GFRA2: variants seen among roughly 807,000 people sequenced by gnomAD.
The protein encoded by GFRA2 is GDNF family receptor alpha-2.
In GFRA2, 17 loss-of-function variants were observed where a neutral mutation model predicts 48.3. That is an observed-to-expected ratio of 0.35 (90% CI 0.24 to 0.53). The LOEUF (loss-of-function observed/expected upper bound fraction) is 0.53, where lower values mean the gene tolerates loss of function less well. Ranked by LOEUF, GFRA2 falls within the 20% of genes least tolerant of loss-of-function variation. The pLI is 0.93. For missense variants in GFRA2, 660 were observed against 637.3 expected, an observed-to-expected ratio of 1.04 and a Z score of -0.38; for synonymous variants, 305 against 257.2, an observed-to-expected ratio of 1.19 and a Z score of -1.78.
chr8:21,783,160 T>C (rs933611763), intron 1 of GFRA2: 102 of 642,442 alleles, frequency 1.6e-4, no homozygotes, highest in South Asian at 1.3e-3. Context: ...CACAGCACAA[T>C]AAAGCCAGGA....
intron 4 of GFRA2, among the ~76,000 whole-genome samples, chr8:21,734,935 C>G (rs1344309813): frequency 1.3e-5 from 2 of 152,236 alleles, no homozygotes; most frequent in Non-Finnish European, 2.9e-5. Context: ...AGTCATCCCT[C>G]TGCTCACTGA....
intron 2 of GFRA2, among the ~76,000 whole-genome samples, chr8:21,794,768 A>C (rs1807638451): frequency 6.6e-6 from 1 of 151,340 alleles, no homozygotes; most frequent in Admixed American, 6.6e-5. Context: ...TCCCCTCCAC[A>C]CTCCAGATTC....
At chr8:21,706,149 G>T in intron 4 of GFRA2, 108 bp from the exon 5 acceptor site, 1 of 708,712 alleles carries the variant, frequency 1.4e-6, no homozygotes. Context: ...TCCCAGGGTG[G>T]AAGAAGCCAG....
intron 4 of GFRA2, among the ~76,000 whole-genome samples, chr8:21,707,510 T>C (rs1802807405): frequency 6.6e-6 from 1 of 152,222 alleles, no homozygotes; most frequent in East Asian, 1.9e-4. Flanking sequence ...TTCGTTTCTC[T>C]GGAGGCCCCC....
chr8:21,811,365 T>C (rs1457115576), intron 1 of GFRA2, among the ~76,000 whole-genome samples: 1 of 152,178 alleles, frequency 6.6e-6, no homozygotes, highest in Non-Finnish European at 1.5e-5. Context: ...CAGGAGATCC[T>C]AACATGTGAC....
chr8:21,719,206 C>T (rs1033488889), intron 4 of GFRA2, among the ~76,000 whole-genome samples: 5 of 152,082 alleles, frequency 3.3e-5, no homozygotes, highest in South Asian at 2.1e-4. Context: ...GCAGGGGGTC[C>T]AAGTCTGCTC....
intron 4 of GFRA2, among the ~76,000 whole-genome samples, chr8:21,746,983 C>T (rs994520376): frequency 6.6e-6 from 1 of 152,114 alleles, no homozygotes; most frequent in Admixed American, 6.6e-5. Flanking sequence ...AAAATGGGTG[C>T]CCTGTCCCAG....
intron 2 of GFRA2, among the ~76,000 whole-genome samples, chr8:21,799,581 T>G (rs951171261): frequency 1.3e-5 from 2 of 152,212 alleles, no homozygotes; most frequent in African/African-American, 2.4e-5. Context: ...TCTAATTCTA[T>G]AAAGACTCAG....
intron 7 of GFRA2, among the ~76,000 whole-genome samples, chr8:21,702,539 C>A (rs1440614418): frequency 6.6e-6 from 1 of 152,210 alleles, no homozygotes; most frequent in Non-Finnish European, 1.5e-5. Context: ...CCTGCACCTG[C>A]ACCGAGGCTG....
At chr8:21,763,505 A>G (rs1459889594) in intron 3 of GFRA2, among the ~76,000 whole-genome samples, 1 of 151,986 alleles carries the variant, frequency 6.6e-6, no homozygotes, top group East Asian at 1.9e-4. Flanking sequence ...CTTCCACTCA[A>G]CAGGGGCGGT....
intron 2 of GFRA2, among the ~76,000 whole-genome samples, chr8:21,797,020 C>A (rs1445330385): frequency 6.6e-6 from 1 of 152,218 alleles, no homozygotes; most frequent in Non-Finnish European, 1.5e-5. Flanking sequence ...TGTCCCACTA[C>A]GTGACAGCGA....
chr8:21,808,042 A>C (rs1046334417), intron 1 of GFRA2, among the ~76,000 whole-genome samples: 1 of 152,228 alleles, frequency 6.6e-6, no homozygotes, highest in Admixed American at 6.5e-5. Flanking sequence ...CAGGGCTTCC[A>C]CATATGAATT....
chr8:21,765,670 T>C (rs1475990240), intron 3 of GFRA2, among the ~76,000 whole-genome samples: 1 of 152,016 alleles, frequency 6.6e-6, no homozygotes, highest in East Asian at 1.9e-4. Context: ...CAGGCCTACA[T>C]CTAACTGTGT....
intron 4 of GFRA2, among the ~76,000 whole-genome samples, chr8:21,723,026 T>C (rs1234672562): frequency 2.6e-5 from 4 of 152,198 alleles, no homozygotes; most frequent in African/African-American, 9.7e-5. Flanking sequence ...TCTGGATTCG[T>C]TACCAACCGT....
intron 4 of GFRA2, chr8:21,706,295 A>G (rs1802744335): frequency 3.2e-6 from 2 of 615,816 alleles, no homozygotes; most frequent in Admixed American, 2.2e-5. Flanking sequence ...TGGCTGACAA[A>G]AAGGACCCCT....
chr8:21,718,798 C>T (rs1243911880), intron 4 of GFRA2, among the ~76,000 whole-genome samples: 1 of 152,142 alleles, frequency 6.6e-6, no homozygotes, highest in African/African-American at 2.4e-5. Context: ...TTAATTAACT[C>T]ACAACACAGC....
chr8:21,694,194 C>G (rs540397481), intron 8 of GFRA2, among the ~76,000 whole-genome samples: 58 of 151,184 alleles, frequency 3.8e-4, no homozygotes, highest in African/African-American at 1.3e-3. Context: ...GTCGACACAA[C>G]TGTCTTAAGA....
chr8:21,777,313 G>A (rs1474368800), intron 2 of GFRA2, among the ~76,000 whole-genome samples: 1 of 151,396 alleles, frequency 6.6e-6, no homozygotes, highest in Non-Finnish European at 1.5e-5. Context: ...GCCAGATGGT[G>A]CCCCGGGGTG....
At chr8:21,720,643 C>T (rs1585252703) in intron 4 of GFRA2, among the ~76,000 whole-genome samples, 1 of 152,174 alleles carries the variant, frequency 6.6e-6, no homozygotes, top group Non-Finnish European at 1.5e-5. Context: ...CGTTCCCCAG[C>T]CGTGACGTTT....
Sources: gnomAD v4.1 joint callset for allele counts (sites outside exome capture counted in the v4.1 genomes callset) on GRCh38, gnomAD v4.1.1 for gene constraint, MANE v1.5 for transcripts, NCBI Gene and HGNC (gene_info 2026-07-23, HGNC 2026-07-21) for gene names.